CDKL4: variants seen among roughly 807,000 people sequenced by gnomAD.
CDKL4 encodes the protein cyclin-dependent kinase-like 4.
In CDKL4, 44 loss-of-function variants were observed where a neutral mutation model predicts 42.0. The ratio of observed to expected loss-of-function variants is 1.05; its 90% CI spans 0.82 to 1.35. The LOEUF is 1.35. Among genes scored for constraint, CDKL4 ranks in the 40% most tolerant of loss-of-function variants. The pLI is 0.00. For missense variants in CDKL4, 393 were observed against 369.9 expected (o/e 1.06, Z -0.51); for synonymous variants, 120 against 121.6 (o/e 0.99, Z 0.09).
At chr2:39,184,447 G>A (rs1184313806) in intron 8 of CDKL4, 144 bp downstream of exon 8, 1 of 585,508 alleles carries the variant, frequency 1.7e-6, no homozygotes, top group East Asian at 2.9e-5. Context: ...CCCTTTAACT[G>A]GAATTGTTTT....
chr2:39,168,592 G>A, the CDKL4 span, among the ~76,000 whole-genome samples: 1,322 of 151,782 alleles, frequency 8.7e-3, 22 homozygotes, highest in African/African-American at 0.03. Flanking sequence ...AAAATTAGCT[G>A]GGTGTGGTGG....
chr2:39,230,975 C>T (rs917206073), intron 1 of CDKL4, among the ~76,000 whole-genome samples: 9 of 152,084 alleles, frequency 5.9e-5, no homozygotes, highest in East Asian at 1.9e-4. Flanking sequence ...TCTGGGAGGT[C>T]GAGGCAGGTG....
intron 3 of CDKL4, among the ~76,000 whole-genome samples, chr2:39,220,994 T>TTG (rs1678304073): frequency 2.2e-5 from 1 of 44,824 alleles, no homozygotes; most frequent in Non-Finnish European, 1.0e-4. Context: ...TTTTTTTTTT[T>TTG]TTTTTTGTTT....
chr2:39,177,525 C>G (rs1238679520), intron 9 of CDKL4, among the ~76,000 whole-genome samples: 2 of 151,824 alleles, frequency 1.3e-5, no homozygotes, highest in Non-Finnish European at 2.9e-5. Context: ...CTGCCTCAGC[C>G]CCCCAAGTAG....
At chr2:39,236,355 A>T (rs965013460) in intron 1 of CDKL4, among the ~76,000 whole-genome samples, 3 of 152,168 alleles carry the variant, frequency 2.0e-5, no homozygotes, top group African/African-American at 4.8e-5. Context: ...GATTCCCAGA[A>T]AGAGAGGAGT....
intron 1 of CDKL4, among the ~76,000 whole-genome samples, chr2:39,233,779 A>G (rs1385301549): frequency 2.0e-5 from 3 of 151,586 alleles, no homozygotes; most frequent in Non-Finnish European, 2.9e-5. Context: ...TAACACAAAC[A>G]CTTCAAACTG....
At chr2:39,185,673 G>A (rs1364715829) in intron 7 of CDKL4, among the ~76,000 whole-genome samples, 1 of 151,312 alleles carries the variant, frequency 6.6e-6, no homozygotes, top group East Asian at 1.9e-4. Context: ...ATGTTCGCTA[G>A]GATGGTCTCG....
chr2:39,172,649 T>G (rs748366829), downstream of CDKL4, among the ~76,000 whole-genome samples: 5 of 152,298 alleles, frequency 3.3e-5, no homozygotes, highest in East Asian at 9.6e-4. Flanking sequence ...TGGTATGATC[T>G]CAGCTCACTA....
At chr2:39,207,885 T>C (rs1677301249) in intron 4 of CDKL4, among the ~76,000 whole-genome samples, 1 of 152,162 alleles carries the variant, frequency 6.6e-6, no homozygotes, top group Non-Finnish European at 1.5e-5. Context: ...GCAGATCACC[T>C]GAGGTCAGGA....
At chr2:39,187,660 G>C in exon 7 of CDKL4, 1 of 1,613,134 alleles carries the variant, frequency 6.2e-7, no homozygotes, top group Non-Finnish European at 8.5e-7. Context: ...TGATGCCATG[G>C]AAAAACCCGT....
At chr2:39,193,511 G>A (rs961502287) in intron 5 of CDKL4, among the ~76,000 whole-genome samples, 1 of 151,918 alleles carries the variant, frequency 6.6e-6, no homozygotes, top group Admixed American at 6.6e-5. Context: ...AAGTAGCTGG[G>A]ATTACAGACA....
chr2:39,170,835 A>AT (rs988647197), downstream of CDKL4, among the ~76,000 whole-genome samples: 11 of 151,884 alleles, frequency 7.2e-5, no homozygotes, highest in East Asian at 1.2e-3. Flanking sequence ...TTAAAAAAAA[A>AT]TTTTTTTTTG....
chr2:39,178,929 C>T, intron 9 of CDKL4: 3 of 1,446,362 alleles, frequency 2.1e-6, no homozygotes, highest in Non-Finnish European at 2.7e-6. Context: ...GGTGGGATAT[C>T]CAATCAGAGC....
intron 4 of CDKL4, among the ~76,000 whole-genome samples, chr2:39,209,997 T>C (rs944642800): frequency 4.6e-5 from 7 of 152,144 alleles, no homozygotes; most frequent in Non-Finnish European, 1.0e-4. Context: ...TGAAAAATTA[T>C]CTTTTTTTGA....
chr2:39,206,517 G>A (rs1269671442), intron 4 of CDKL4, among the ~76,000 whole-genome samples: 1 of 152,192 alleles, frequency 6.6e-6, no homozygotes, highest in African/African-American at 2.4e-5. Context: ...GTAAGCCCGC[G>A]CGCACATGGG....
At chr2:39,215,462 T>C (rs72921009) in intron 3 of CDKL4, among the ~76,000 whole-genome samples, 11,107 of 152,264 alleles carry the variant, frequency 0.073, 1,383 homozygotes, top group African/African-American at 0.25. Flanking sequence ...GTTGTTTGTA[T>C]ATTTTTCAAA....
intron 9 of CDKL4, among the ~76,000 whole-genome samples, chr2:39,177,551 C>T (rs2148275829): frequency 6.6e-6 from 1 of 151,844 alleles, no homozygotes; most frequent in African/African-American, 2.4e-5. Context: ...ATTACAGGCG[C>T]CCACCACTAC....
At chr2:39,234,964 C>T (rs1301335326) in intron 1 of CDKL4, among the ~76,000 whole-genome samples, 1 of 151,792 alleles carries the variant, frequency 6.6e-6, no homozygotes, top group African/African-American at 2.4e-5. Flanking sequence ...TCATGACTCA[C>T]TGCAGCCTTG....
At chr2:39,185,526 G>A (rs114598846) in intron 7 of CDKL4, among the ~76,000 whole-genome samples, 1,513 of 143,952 alleles carry the variant, frequency 0.011, 13 homozygotes, top group African/African-American at 0.013. Context: ...GTGGCAGCAC[G>A]AACAAGGCTC....
Sources: allele counts gnomAD v4.1 joint callset (sites outside exome capture counted in the v4.1 genomes callset), GRCh38; gene constraint gnomAD v4.1.1; transcripts MANE v1.5; gene names NCBI Gene and HGNC (gene_info 2026-07-23, HGNC 2026-07-21).